The following ZNF536 variants were observed in gnomAD, a reference collection of about 807,000 sequenced individuals.
ZNF536 encodes the protein zinc finger protein 536.
ZNF536 carries 13 observed loss-of-function variants against 84.5 expected under a neutral mutation model. The ratio of observed to expected loss-of-function variants is 0.15; its 90% CI spans 0.10 to 0.24. The LOEUF is 0.24. Ranked by LOEUF, ZNF536 falls within the 10% of genes least tolerant of loss-of-function variation. The pLI is 1.00. For missense variants in ZNF536, 1,536 were observed against 1,747.5 expected (o/e 0.88, Z 2.16); for synonymous variants, 811 against 742.5 (o/e 1.09, Z -1.50).
chr19:30,282,974 A>C (rs949549061), intron 1 of ZNF536, among the ~76,000 whole-genome samples: 6 of 152,214 alleles, frequency 3.9e-5, no homozygotes, highest in Non-Finnish European at 7.3e-5. Context: ...CTTTTCGAGC[A>C]TGCAGTCAGC....
intron 1 of ZNF536, among the ~76,000 whole-genome samples, chr19:30,381,711 G>A (rs536490865): frequency 1.3e-5 from 2 of 152,322 alleles, no homozygotes; most frequent in East Asian, 1.9e-4. Flanking sequence ...GCCTCAAAGG[G>A]TATGGATGCG....
intron 1 of ZNF536, among the ~76,000 whole-genome samples, chr19:30,646,715 T>C (rs2049484847): frequency 6.6e-6 from 1 of 152,190 alleles, no homozygotes; most frequent in African/African-American, 2.4e-5. Flanking sequence ...TGAGGGATGG[T>C]CATGTATTCA....
Position 30,445,092 on chromosome 19 carries a change from C to T in ZNF536, c.1530C>T (p.Ala510=), listed in dbSNP as rs1246951710. The change falls in exon 2 of 5, where the codon GCC becomes GCT. Residue 510 remains alanine (A), a synonymous_variant. Coordinates refer to ENST00000355537, the MANE Select transcript of ZNF536 (RefSeq NM_014717.3). This position sits in a 1 kb window ranked among gnomAD's most constrained non-coding sequence, Gnocchi z 4.5. ...GCATCGAGCGGCTGCAGGCGGCTGC[C>T]AAGGCTGCGGAGATGGACCCCGTGA... is the stretch of plus-strand genomic sequence containing the variant. ...SSCIERLQAA[A]KAAEMDPVNS... 28 of 1,613,536 alleles carry T rather than the reference C, an allele frequency of 1.7e-5. No individual in the cohort carries two copies. The highest frequency in any genetic ancestry group is 4.0e-5 in the African/African-American group (3 of 74,942).
At chr19:30,311,524 C>T (rs1314843294) in intron 2 of ZNF536, among the ~76,000 whole-genome samples, 3 of 152,208 alleles carry the variant, frequency 2.0e-5, no homozygotes, top group Admixed American at 6.5e-5. Context: ...ACCTCATTTA[C>T]TCCCCATATG....
At chr19:30,561,342 T>G (rs1014770373), downstream of ZNF536, among the ~76,000 whole-genome samples, 5 of 151,986 alleles carry the variant, frequency 3.3e-5, no homozygotes, top group African/African-American at 1.2e-4. Flanking sequence ...CTGAAGGTGG[T>G]TTTGCTGAGG....
intron 1 of ZNF536, among the ~76,000 whole-genome samples, chr19:30,409,365 C>A (rs771820290): frequency 6.6e-6 from 1 of 152,188 alleles, no homozygotes; most frequent in Non-Finnish European, 1.5e-5. Flanking sequence ...TCTCAAGCCT[C>A]GCTAATCTTA....
chr19:30,604,516 T>A (rs1189381584), intron 1 of ZNF536, among the ~76,000 whole-genome samples: 1 of 152,204 alleles, frequency 6.6e-6, no homozygotes, highest in Non-Finnish European at 1.5e-5. Flanking sequence ...GCTGTTGAGC[T>A]TTATGTCAGG....
intron 2 of ZNF536, among the ~76,000 whole-genome samples, chr19:30,474,869 T>C (rs1400016482): frequency 6.6e-6 from 1 of 151,842 alleles, no homozygotes; most frequent in East Asian, 1.9e-4. Flanking sequence ...CTTTCCTAGT[T>C]TTCCCTCTTG....
At chr19:30,227,454 G>A (rs986947903), upstream of ZNF536, among the ~76,000 whole-genome samples, 1 of 152,190 alleles carries the variant, frequency 6.6e-6, no homozygotes, top group African/African-American at 2.4e-5. Flanking sequence ...GCGTGCGGGT[G>A]GCAGCGGCGG....
At chr19:30,440,908 TAGATAGATAGA>T in intron 1 of ZNF536, among the ~76,000 whole-genome samples, 1 of 151,600 alleles carries the variant, frequency 6.6e-6, no homozygotes, top group South Asian at 2.1e-4. Context: ...GATAGATAGA[TAGATAGATAGA>T]TAGATAGATA....
At chr19:30,247,105 G>A (rs1359057650) in intron 1 of ZNF536, among the ~76,000 whole-genome samples, 1 of 152,202 alleles carries the variant, frequency 6.6e-6, no homozygotes, top group Non-Finnish European at 1.5e-5. Flanking sequence ...CTCTTCCCCA[G>A]TGTGTTCAAG....
Position 30,471,180 on chromosome 19 carries a change from G to C in ZNF536, c.2170+25448G>C, listed in dbSNP as rs540464067. Among the ~76,000 whole-genome samples the C allele has an allele frequency of 5.5e-4, 83 of 152,264 alleles. 1 individual carries two copies. The highest frequency in any genetic ancestry group is 1.9e-3 in the African/African-American group (81 of 41,558). Reference sequence around the variant, plus strand: ...ACTGGAGTTATGGGAGGAAGTTTGTGAGGAAGGCCAGGGAGATAAAGGACC... The same window carrying C: ...ACTGGAGTTATGGGAGGAAGTTTGTCAGGAAGGCCAGGGAGATAAAGGACC... On this transcript the variant is annotated intron_variant, in intron 2 of 4. Transcript: ENST00000355537.
intron 1 of ZNF536, among the ~76,000 whole-genome samples, chr19:30,244,305 C>T (rs760663205): frequency 6.6e-6 from 1 of 152,090 alleles, no homozygotes; most frequent in African/African-American, 2.4e-5. Flanking sequence ...TCCACCCCCC[C>T]ACCCCTCAGG....
chr19:30,566,436 G>A (rs904801826), intron 1 of ZNF536, among the ~76,000 whole-genome samples: 1 of 152,260 alleles, frequency 6.6e-6, no homozygotes, highest in Non-Finnish European at 1.5e-5. Flanking sequence ...CTGTACAGAT[G>A]AGAGTACAAA....
chr19:30,565,776 C>T (rs2046327639), intron 1 of ZNF536, among the ~76,000 whole-genome samples: 2 of 152,158 alleles, frequency 1.3e-5, no homozygotes, highest in South Asian at 4.1e-4. Flanking sequence ...CAGGTTATGA[C>T]CTTCCCACTC....
chr19:30,480,850 A>G (rs992155815), intron 2 of ZNF536, among the ~76,000 whole-genome samples: 32 of 152,348 alleles, frequency 2.1e-4, no homozygotes, highest in African/African-American at 7.5e-4. Context: ...AGCCTGGCCA[A>G]CATGGCGAAA....
intron 1 of ZNF536, among the ~76,000 whole-genome samples, chr19:30,239,516 G>A (rs2144825384): frequency 6.6e-6 from 1 of 152,342 alleles, no homozygotes; most frequent in East Asian, 1.9e-4. Flanking sequence ...ATGGCGGTTG[G>A]AGAATCGACA....
At chr19:30,325,271 G>C (rs1257259195) in intron 2 of ZNF536, among the ~76,000 whole-genome samples, 1 of 152,198 alleles carries the variant, frequency 6.6e-6, no homozygotes, top group Admixed American at 6.5e-5. Flanking sequence ...ATTTGCCTGT[G>C]ACTCTCACCC....
chr19:30,687,096 C>T (rs2051219664), intron 1 of ZNF536, among the ~76,000 whole-genome samples: 1 of 152,138 alleles, frequency 6.6e-6, no homozygotes, highest in South Asian at 2.1e-4. Context: ...ACAGGCTGTA[C>T]AGACAGAGTT....
Sources: allele counts gnomAD v4.1 joint callset (sites outside exome capture counted in the v4.1 genomes callset), GRCh38; gene constraint gnomAD v4.1.1; non-coding constraint Gnocchi (gnomAD v3.1); transcripts MANE v1.5; gene names NCBI Gene and HGNC (gene_info 2026-07-23, HGNC 2026-07-21).